Variants in POLR1A observed in about 807,000 individuals in gnomAD.
POLR1A encodes the protein RNA polymerase I subunit A.
Under a neutral mutation model 205.3 loss-of-function variants are expected in POLR1A, and 84 were observed. The ratio of observed to expected loss-of-function variants is 0.41; its 90% CI spans 0.34 to 0.49. POLR1A has a LOEUF of 0.49. Among genes scored for constraint, POLR1A ranks in the 20% least tolerant of loss-of-function variants. POLR1A has a pLI of 0.22. For synonymous variants in POLR1A, 799 were observed against 863.7 expected (o/e 0.93, Z 1.31); for missense variants, 1,645 against 2,204.5 (o/e 0.75, Z 5.08).
At chr2:86,076,436 T>C (rs970204852) in intron 11 of POLR1A, among the ~76,000 whole-genome samples, 9 of 152,348 alleles carry the variant, frequency 5.9e-5, no homozygotes, top group Admixed American at 2.6e-4. Flanking sequence ...TGGACACTGC[T>C]TTATATGGGA....
In POLR1A at chr2:86,020,847, A is replaced by G. The variant is rs1690119831; in HGVS notation, c.*6576T>C. The G allele has an allele frequency of 6.6e-6, 1 of 152,240 alleles. No individual in the cohort carries two copies. Among genetic ancestry groups the G allele is most frequent in the Non-Finnish European group, 1.5e-5 (1 of 68,054 alleles). 9.4% of individuals were successfully genotyped at this position (152,240 alleles called of 1,614,324 possible). On this transcript the variant is annotated 3_prime_UTR_variant, in exon 34 of 34. Transcript: ENST00000263857. ...CTGCTGAATGTCCCCTGGGGGGCAA[A>G]TTGCCCCAAGTTGAGAACCACTTAG...
At chr2:86,054,054 G>A in intron 15 of POLR1A, 86 bp downstream of exon 15, 1 of 1,314,906 alleles carries the variant, frequency 7.6e-7, no homozygotes, top group Non-Finnish European at 1.1e-6. Context: ...TTCTGTGAAT[G>A]TGCCTCCATT....
intron 6 of POLR1A, among the ~76,000 whole-genome samples, chr2:86,086,089 G>A (rs1375834435): frequency 9.2e-5 from 14 of 151,658 alleles, no homozygotes; most frequent in Admixed American, 7.9e-4. Context: ...ATGGGGTTTC[G>A]CTCTTGTTGC....
At chr2:86,031,099 C>T (rs559649144) in intron 30 of POLR1A, among the ~76,000 whole-genome samples, 1 of 152,238 alleles carries the variant, frequency 6.6e-6, no homozygotes, top group African/African-American at 2.4e-5. Flanking sequence ...TTTTTCGGGG[C>T]AGAGGGTTTA....
Position 86,088,588 on chromosome 2 carries a change from G to T in POLR1A, c.708C>A (p.Gly236=), listed in dbSNP as rs1264685380. 6.2e-7 allele frequency: 1 copy of T among 1,613,492 alleles called. No individual in the cohort carries two copies. Among genetic ancestry groups the T allele is most frequent in the East Asian group, 2.2e-5 (1 of 44,888 alleles). The change falls in exon 6 of 34, where the codon GGC becomes GGA. Residue 236 remains glycine, a synonymous_variant. Transcript: ENST00000263857. ...CACCCAGGGGCTCAGAGTCCTTCTG[G>T]CCAGCTGTCCTGTGCACCATGGCTG... ...TFPAMVHRTA[G]QKDSEPLGIE... is the part of the protein sequence containing the mutation.
At chr2:86,031,305 C>A in intron 30 of POLR1A, 25 bp downstream of exon 30, 1 of 1,527,006 alleles carries the variant, frequency 6.5e-7, no homozygotes, top group Admixed American at 2.1e-5. Flanking sequence ...ACCACCCAAG[C>A]CCTGGCCTGC....
Position 86,045,655 on chromosome 2 carries a change from A to G in POLR1A, c.2848T>C (p.Phe950Leu). 3 of 1,614,038 alleles carry G rather than the reference A, an allele frequency of 1.9e-6. No homozygotes were observed. Among genetic ancestry groups the G allele is most frequent in the Non-Finnish European group, 2.5e-6 (3 of 1,179,998 alleles). The change falls in exon 20 of 34, where the codon TTT becomes CTT. Residue 950 changes from phenylalanine (F) to leucine (L), a missense_variant. This residue lies in a region of POLR1A where 339 missense variants were observed against 415.1 expected (regional missense o/e 0.82). Coordinates refer to ENST00000263857, the MANE Select transcript of POLR1A (RefSeq NM_015425.6). ...CCGGTGAGGAACCTGCCAGTGACAA[A>G]GCCACCAGCCCTGGGGGTGAACTCA... ...PYEFTPRAGG[F>L]VTGRFLTGIK... is the part of the protein sequence containing the mutation.
At chr2:86,077,660 G>A (rs1248406398) in intron 11 of POLR1A, among the ~76,000 whole-genome samples, 199 bp downstream of exon 11, 2 of 152,164 alleles carry the variant, frequency 1.3e-5, no homozygotes, top group Non-Finnish European at 2.9e-5. Flanking sequence ...CCATCATGCA[G>A]CTTCCAGTCA....
rs1015753676 is a variant in POLR1A at position 86,047,108 on chromosome 2, AT to A, written c.2733+56del. On this transcript the variant is annotated intron_variant, in intron 19 of 33. Coordinates refer to ENST00000263857, the MANE Select transcript of POLR1A (RefSeq NM_015425.6). ...GAACAAACTGAAACCACCTCCTGCT[AT>A]CCCCCACCTGCCTTTGCTGACACCT... 2.3e-5 allele frequency: 27 copies of A among 1,170,602 alleles called. No individual in the cohort carries two copies. The African/African-American group carries it at 3.5e-4, about 15-fold the overall frequency. 72.5% of individuals were successfully genotyped at this position (1,170,602 alleles called of 1,614,324 possible). A position where few individuals can be genotyped will look rare whatever the true frequency, so the allele number is the denominator to read the frequency against.
chr2:86,067,876 CA>C (rs1283335973), intron 13 of POLR1A, among the ~76,000 whole-genome samples: 1 of 152,170 alleles, frequency 6.6e-6, no homozygotes, highest in Admixed American at 6.5e-5. Flanking sequence ...TTACCTCCGA[CA>C]AAAGAAAGTG....
chr2:86,049,110 A>C (rs765670665), intron 17 of POLR1A, 50 bp downstream of exon 17: 15 of 1,609,024 alleles, frequency 9.3e-6, no homozygotes, highest in Non-Finnish European at 1.3e-5. Flanking sequence ...TTGACTCAGC[A>C]CACACTTCAC....
intron 3 of POLR1A, among the ~76,000 whole-genome samples, chr2:86,090,470 C>T (rs1304796334): frequency 6.6e-6 from 1 of 151,358 alleles, no homozygotes; most frequent in African/African-American, 2.4e-5. Flanking sequence ...AAACCTAAGA[C>T]TGCAAAGAGC....
At chr2:86,044,384 G>A in intron 21 of POLR1A, 80 bp from the exon 22 acceptor site, 1 of 1,493,140 alleles carries the variant, frequency 6.7e-7, no homozygotes, top group South Asian at 1.2e-5. Flanking sequence ...GGGGGCAGTG[G>A]AGGGGAGGGA....
intron 21 of POLR1A, among the ~76,000 whole-genome samples, chr2:86,045,033 G>T (rs1672685848): frequency 6.6e-6 from 1 of 152,178 alleles, no homozygotes; most frequent in African/African-American, 2.4e-5. Context: ...CACAGCCATA[G>T]CTTCCCCCAG....
rs566847625 is a variant in POLR1A, at chr2:86,045,405, G to A, written c.2887-45C>T. 3.4e-6 allele frequency: 5 copies of A among 1,490,990 alleles called. No homozygotes were observed. The African/African-American group carries it at 4.1e-5, about 12-fold the overall frequency. The allele number at this position is 1,490,990 out of a possible 1,614,324, so 92.4% of individuals were successfully genotyped here. On this transcript the variant is annotated intron_variant, in intron 20 of 33. Coordinates refer to ENST00000263857, the MANE Select transcript of POLR1A (RefSeq NM_015425.6). ...GGTCCCAAAGGTGACAGTGAGGACA[G>A]TGCGCTTCCTGAAGGGCTCAGGCCA...
intron 9 of POLR1A, among the ~76,000 whole-genome samples, chr2:86,080,386 A>G (rs1341544464): frequency 6.6e-6 from 1 of 152,206 alleles, no homozygotes; most frequent in African/African-American, 2.4e-5. Context: ...CGTGTCCAAA[A>G]TAGAGCTGGC....
Position 86,030,520 on chromosome 2 carries a change from G to C in POLR1A, c.4579-124C>G. On this transcript the variant is annotated intron_variant, in intron 30 of 33. Coordinates refer to ENST00000263857, the MANE Select transcript of POLR1A (RefSeq NM_015425.6). ...GGCTGGGGGAAAGTGGTCCTGCTGGGCAAGCCAGCAGGTAGTCTGAACATT... is the reference window on the plus strand; with the variant it reads ...GGCTGGGGGAAAGTGGTCCTGCTGGCCAAGCCAGCAGGTAGTCTGAACATT... 2.9e-6 allele frequency: 2 copies of C among 678,552 alleles called. 1 individual carries two copies. The highest frequency in any genetic ancestry group is 3.5e-5 in the South Asian group (2 of 56,632). The allele number at this position is 678,552 out of a possible 1,614,324, so 42.0% of individuals were successfully genotyped here.
At chr2:86,033,198 T>C (rs1245552682) in intron 28 of POLR1A, among the ~76,000 whole-genome samples, 1 of 152,230 alleles carries the variant, frequency 6.6e-6, no homozygotes, top group Non-Finnish European at 1.5e-5. Flanking sequence ...TTTTCCCTCT[T>C]CCCCTTTTTG....
At chr2:86,037,167 C>A (rs1204611038) in intron 27 of POLR1A, 1 of 152,290 alleles carries the variant, frequency 6.6e-6, no homozygotes, top group Non-Finnish European at 1.5e-5. Context: ...AGCTGGCAGG[C>A]GGGTGCACAC....
Sources: gnomAD v4.1 joint callset for allele counts (sites outside exome capture counted in the v4.1 genomes callset) on GRCh38, gnomAD v4.1.1 for gene constraint, gnomAD v4.1.1 regional missense constraint, MANE v1.5 for transcripts, NCBI Gene and HGNC (gene_info 2026-07-23, HGNC 2026-07-21) for gene names.